The following PREX1 variants were observed in gnomAD, a reference collection of about 807,000 sequenced individuals.
PREX1 encodes phosphatidylinositol-3,4,5-trisphosphate dependent Rac exchange factor 1, also known as phosphatidylinositol 3,4,5-trisphosphate-dependent Rac exchanger 1 protein.
Under a neutral mutation model 198.3 loss-of-function variants are expected in PREX1, and 41 were observed. The ratio of observed to expected loss-of-function variants is 0.21; its 90% confidence interval spans 0.16 to 0.27. The LOEUF (loss-of-function observed/expected upper bound fraction) is 0.27. Among genes scored for constraint, PREX1 ranks in the 10% least tolerant of loss-of-function variants. PREX1 has a pLI of 1.00. For synonymous variants in PREX1, 843 were observed against 887.2 expected (o/e 0.95, Z 0.89); for missense variants, 1,620 against 2,200.7 (o/e 0.74, Z 5.28).
chr20:48,634,085 C>T (rs56130715), intron 33 of PREX1, among the ~76,000 whole-genome samples: 35 of 122,778 alleles, frequency 2.9e-4, no homozygotes, highest in African/African-American at 7.7e-4. Flanking sequence ...GATGGATGGA[C>T]GGATGGATGG....
chr20:48,707,324 G>A (rs2089908192), intron 6 of PREX1, among the ~76,000 whole-genome samples: 1 of 152,184 alleles, frequency 6.6e-6, no homozygotes, highest in South Asian at 2.1e-4. Context: ...GGGCAGGAAG[G>A]CCCAGCAGAA....
At chr20:48,629,873 A>G (rs1297996688) in intron 36 of PREX1, among the ~76,000 whole-genome samples, 1 of 152,080 alleles carries the variant, frequency 6.6e-6, no homozygotes, top group Non-Finnish European at 1.5e-5. Flanking sequence ...TAACCTTCCA[A>G]CCTAATTCTC....
intron 7 of PREX1, among the ~76,000 whole-genome samples, chr20:48,698,796 T>C (rs759111956): frequency 6.6e-6 from 1 of 152,158 alleles, no homozygotes; most frequent in Non-Finnish European, 1.5e-5. Context: ...TTAACAACAA[T>C]GGTGCTGGCA....
At chr20:48,759,562 AAAAAAAG>A (rs2090170063) in intron 1 of PREX1, among the ~76,000 whole-genome samples, 1 of 151,182 alleles carries the variant, frequency 6.6e-6, no homozygotes, top group Non-Finnish European at 1.5e-5. Context: ...AAAAAAAAAA[AAAAAAAG>A]AAAAGAAAGA....
intron 1 of PREX1, among the ~76,000 whole-genome samples, chr20:48,754,415 T>G (rs1325434617): frequency 6.6e-6 from 1 of 152,104 alleles, no homozygotes; most frequent in Non-Finnish European, 1.5e-5. Flanking sequence ...GCATCAGCCT[T>G]TAAAACAGGT....
intron 6 of PREX1, among the ~76,000 whole-genome samples, chr20:48,704,017 C>G (rs2089889620): frequency 6.6e-6 from 1 of 152,218 alleles, no homozygotes; most frequent in African/African-American, 2.4e-5. Flanking sequence ...GATGACAAAA[C>G]CTTACACACT....
intron 13 of PREX1, among the ~76,000 whole-genome samples, chr20:48,676,917 C>T (rs7261585): frequency 0.17 from 25,281 of 152,172 alleles, 4,375 homozygotes; most frequent in African/African-American, 0.44. Flanking sequence ...GTGAGTTTCA[C>T]GGTTCTTTCC....
At chr20:48,663,860 T>G (rs956974793) in intron 15 of PREX1, among the ~76,000 whole-genome samples, 6 of 152,084 alleles carry the variant, frequency 3.9e-5, no homozygotes, top group Admixed American at 1.3e-4. Flanking sequence ...TTCCTTCCCC[T>G]GCACACACCA....
chr20:48,720,671 A>G (rs1318333347), intron 5 of PREX1, among the ~76,000 whole-genome samples: 1 of 151,910 alleles, frequency 6.6e-6, no homozygotes, highest in Non-Finnish European at 1.5e-5. Context: ...TATGAGTAGT[A>G]TACGTCCATG....
At chr20:48,698,997 C>T (rs916817875) in intron 7 of PREX1, among the ~76,000 whole-genome samples, 5 of 152,144 alleles carry the variant, frequency 3.3e-5, no homozygotes, top group Non-Finnish European at 2.9e-5. Context: ...TAACCAAACA[C>T]TACTACAAGG....
intron 4 of PREX1, among the ~76,000 whole-genome samples, chr20:48,733,590 G>C (rs1207409534): frequency 6.6e-6 from 1 of 152,172 alleles, no homozygotes; most frequent in East Asian, 1.9e-4. Context: ...GAAAAGGAGA[G>C]TCAAGAGACA....
At position 48,651,534 on chromosome 20, in the gene PREX1, G is replaced by T. The variant is rs142400901; in HGVS notation, c.2517C>A (p.Ser839Arg). 6.9e-5 allele frequency: 112 copies of T among 1,614,194 alleles called. No homozygotes were observed. In the African/African-American group the frequency reaches 1.3e-3, roughly 18 times the overall value. ...TGTCCACAGTCAGGGTGACCATGGG[G>T]CTGTCCTCACACAGGCTCAGCCGGG... ...LGPRLSLCED[S>R]PMVTLTVDNV... Residue 839 changes from serine (S) to arginine (R), a missense_variant, in exon 22 of 40, where the codon AGC (serine) becomes AGA (arginine). Ser to Arg is a moderately radical substitution (Grantham distance 110). Transcript: ENST00000371941.
chr20:48,800,397 G>C (rs758083546), intron 1 of PREX1, among the ~76,000 whole-genome samples: 1 of 152,142 alleles, frequency 6.6e-6, no homozygotes, highest in Non-Finnish European at 1.5e-5. Flanking sequence ...AAGCAAACTG[G>C]GGCAGTTGGT....
chr20:48,791,946 T>C (rs1176981129), intron 1 of PREX1, among the ~76,000 whole-genome samples: 1 of 152,244 alleles, frequency 6.6e-6, no homozygotes, highest in Non-Finnish European at 1.5e-5. Context: ...CGGGGACTGC[T>C]GCCTGGGGCT....
At chr20:48,712,503 T>C (rs934665777) in intron 5 of PREX1, among the ~76,000 whole-genome samples, 2 of 152,198 alleles carry the variant, frequency 1.3e-5, no homozygotes, top group Non-Finnish European at 2.9e-5. Flanking sequence ...CCCTGGAAGT[T>C]GGAATCTCAG....
chr20:48,800,338 G>A (rs567766382), intron 1 of PREX1, among the ~76,000 whole-genome samples: 2 of 152,310 alleles, frequency 1.3e-5, no homozygotes, highest in African/African-American at 4.8e-5. Context: ...TGAGGTCTGA[G>A]GGGTTTCCTG....
chr20:48,773,990 G>A lies in PREX1; in HGVS notation c.220-26110C>T, dbSNP rs8121499. On this transcript the variant is annotated intron_variant, in intron 1 of 39. Transcript: ENST00000371941. ...AGAGGTATTCCAAGACAGAGCCCAC[G>A]GGATTTTCTGAGAGATGGGATGTGA... Among the ~76,000 whole-genome samples the A allele has an allele frequency of 8.6e-3, 1,314 of 152,270 alleles. 19 individuals carry two copies. The highest frequency in any genetic ancestry group is 0.03 in the African/African-American group (1,255 of 41,542).
intron 35 of PREX1, 129 bp from the exon 36 acceptor site, chr20:48,630,923 A>G: frequency 1.4e-6 from 1 of 705,780 alleles, no homozygotes; most frequent in Non-Finnish European, 2.4e-6. Context: ...AATCCCTGAG[A>G]GCGCCTGCAG....
At chr20:48,659,476 AC>A (rs1218300832) in intron 16 of PREX1, among the ~76,000 whole-genome samples, 1 of 152,118 alleles carries the variant, frequency 6.6e-6, no homozygotes, top group African/African-American at 2.4e-5. Context: ...TCCCTGCAGT[AC>A]TATGGGAGAG....
Sources: gnomAD v4.1 joint callset for allele counts (sites outside exome capture counted in the v4.1 genomes callset) on GRCh38, gnomAD v4.1.1 for gene constraint, MANE v1.5 for transcripts, NCBI Gene and HGNC (gene_info 2026-07-23, HGNC 2026-07-21) for gene names.